Variants in BRINP3 observed in about 807,000 individuals in gnomAD.
BRINP3 encodes the protein BMP/retinoic acid-inducible neural-specific protein 3.
A neutral mutation model predicts 71.0 loss-of-function variants in BRINP3; 19 were observed. The observed-to-expected ratio is 0.27, with a 90% CI of 0.19 to 0.39. The LOEUF is 0.39. Among genes scored for constraint, BRINP3 ranks in the 10% least tolerant of loss-of-function variants. BRINP3 has a pLI of 1.00. For synonymous variants in BRINP3, 380 were observed against 337.7 expected (o/e 1.13, Z -1.37); for missense variants, 959 against 940.8 (o/e 1.02, Z -0.25).
intron 7 of BRINP3, among the ~76,000 whole-genome samples, chr1:190,115,211 G>A (rs2102296744): frequency 6.6e-6 from 1 of 152,112 alleles, no homozygotes; most frequent in South Asian, 2.1e-4. Context: ...ATAGTTAGTA[G>A]GTACAAATAA....
chr1:190,189,261 A>C (rs2102565668), intron 6 of BRINP3, among the ~76,000 whole-genome samples: 1 of 152,172 alleles, frequency 6.6e-6, no homozygotes, highest in Non-Finnish European at 1.5e-5. Context: ...TAACAGTGAA[A>C]CCATCAGGTT....
Position 190,098,159 on chromosome 1 carries a change from A to C in BRINP3, c.2160T>G (p.Arg720=). The C allele has an allele frequency of 6.2e-7, 1 of 1,614,164 alleles. No homozygotes were observed. The highest frequency in any genetic ancestry group is 1.1e-5 in the South Asian group (1 of 91,084). Residue 720 remains arginine, a synonymous_variant, in exon 8 of 8, where the codon CGT becomes CGG. Coordinates refer to ENST00000367462, the MANE Select transcript of BRINP3 (RefSeq NM_199051.3). ...GAAGCAAGCAAGAGAAAAGATCTAG[A>C]CGACGCTGACCAGGTGGGGAGAGTT... ...VNKLSPPGQR[R]LDLFSCLLRH... is the part of the protein sequence containing the mutation.
chr1:190,115,010 T>C (rs541495700), intron 7 of BRINP3, among the ~76,000 whole-genome samples: 119 of 152,314 alleles, frequency 7.8e-4, no homozygotes, highest in African/African-American at 2.6e-3. Context: ...CATCCTTCCC[T>C]ACTTTATTTT....
chr1:190,281,603 G>C lies in BRINP3; in HGVS notation c.384C>G (p.Ile128Met). 2 of 1,612,738 alleles carry C rather than the reference G, an allele frequency of 1.2e-6. No individual in the cohort carries two copies. The highest frequency in any genetic ancestry group is 1.7e-6 in the Non-Finnish European group (2 of 1,179,178). ...GCAAGAAATGTGTCCCATATTTCTT[G>C]ATAAGGTTTTCTGTGATTTGCTGAA... ...PTLQQITENLIKKYGTHFLLS... is the reference protein window; with the variant it reads ...PTLQQITENLMKKYGTHFLLS... Residue 128 changes from isoleucine (I) to methionine (M), a missense_variant, in exon 3 of 8, where the codon ATC becomes ATG. Ile to Met is a conservative substitution (Grantham distance 10). Coordinates refer to ENST00000367462, the MANE Select transcript of BRINP3 (RefSeq NM_199051.3).
intron 2 of BRINP3, among the ~76,000 whole-genome samples, chr1:190,370,715 G>C (rs1206328584): frequency 6.6e-6 from 1 of 152,212 alleles, no homozygotes; most frequent in African/African-American, 2.4e-5. Context: ...CACAGAACTA[G>C]AACCTGCCAC....
rs538954180 is a variant in BRINP3, at chr1:190,140,997, T to C, written c.1184+19671A>G. Among the ~76,000 whole-genome samples, 31 of 152,280 alleles carry C rather than the reference T, an allele frequency of 2.0e-4. No individual in the cohort carries two copies. In the South Asian group the frequency reaches 6.2e-3, roughly 31 times the overall value. ...CTTTGATGCTAATTCAAATAGGAAC[T>C]TGACCAGTTGTACCTCCTCTTAGCA... On this transcript the variant is annotated intron_variant, in intron 7 of 7. Coordinates refer to ENST00000367462, the MANE Select transcript of BRINP3 (RefSeq NM_199051.3).
chr1:190,250,119 G>T (rs746797744), intron 4 of BRINP3, among the ~76,000 whole-genome samples: 1 of 151,832 alleles, frequency 6.6e-6, no homozygotes, highest in Non-Finnish European at 1.5e-5. Flanking sequence ...AATCCACCTA[G>T]AGGGAAAAGC....
At chr1:190,255,236 CTT>C (rs201421106) in intron 4 of BRINP3, among the ~76,000 whole-genome samples, 27 of 134,508 alleles carry the variant, frequency 2.0e-4, no homozygotes, top group East Asian at 2.2e-4. Context: ...AAAATTCTCT[CTT>C]TTTTTTTTTT....
chr1:190,471,346 T>A (rs1213505064), intron 1 of BRINP3, among the ~76,000 whole-genome samples: 2 of 151,310 alleles, frequency 1.3e-5, no homozygotes, highest in Non-Finnish European at 3.0e-5. Flanking sequence ...ATAAATATTA[T>A]TAAACTATCC....
intron 2 of BRINP3, among the ~76,000 whole-genome samples, chr1:190,444,038 G>A (rs2102573527): frequency 6.6e-6 from 1 of 152,150 alleles, no homozygotes; most frequent in South Asian, 2.1e-4. Flanking sequence ...TTCGAGACCA[G>A]CCTGACCAAA....
chr1:190,353,743 C>T (rs1276136902), intron 2 of BRINP3, among the ~76,000 whole-genome samples: 1 of 151,978 alleles, frequency 6.6e-6, no homozygotes, highest in African/African-American at 2.4e-5. Flanking sequence ...ACTCCTCCAT[C>T]ATGCCTACGT....
intron 2 of BRINP3, among the ~76,000 whole-genome samples, chr1:190,330,634 A>T (rs1402919466): frequency 6.6e-6 from 1 of 152,058 alleles, no homozygotes; most frequent in Non-Finnish European, 1.5e-5. Flanking sequence ...TACTGGGTAT[A>T]TATCCAAAAG....
At chr1:190,103,584 T>C (rs1651884972) in intron 7 of BRINP3, among the ~76,000 whole-genome samples, 1 of 152,016 alleles carries the variant, frequency 6.6e-6, no homozygotes, top group African/African-American at 2.4e-5. Flanking sequence ...GCAAGGTCCA[T>C]TATGTATGTA....
intron 2 of BRINP3, among the ~76,000 whole-genome samples, chr1:190,427,462 T>A (rs1216942723): frequency 6.6e-6 from 1 of 152,044 alleles, no homozygotes; most frequent in Non-Finnish European, 1.5e-5. Flanking sequence ...GTGATACTTA[T>A]AAAATAGTTG....
chr1:190,267,293 A>G (rs1661740505), intron 3 of BRINP3, among the ~76,000 whole-genome samples: 1 of 152,174 alleles, frequency 6.6e-6, no homozygotes, highest in African/African-American at 2.4e-5. Context: ...GTAAGAATAT[A>G]GTATGACTCA....
intron 6 of BRINP3, among the ~76,000 whole-genome samples, chr1:190,180,188 G>A (rs1293852602): frequency 1.3e-5 from 2 of 152,044 alleles, no homozygotes; most frequent in Admixed American, 1.3e-4. Flanking sequence ...AGGATCTAAT[G>A]GGCCTAAATC....
At chr1:190,310,254 T>C (rs776468361) in intron 2 of BRINP3, among the ~76,000 whole-genome samples, 1 of 151,820 alleles carries the variant, frequency 6.6e-6, no homozygotes, top group African/African-American at 2.4e-5. Context: ...AAAAATGTTC[T>C]GCACTTTCTT....
rs375808228 is a variant in BRINP3 at position 190,353,118 on chromosome 1, C to T, written c.237-71368G>A. Among the ~76,000 whole-genome samples the T allele has an allele frequency of 9.2e-5, 14 of 151,356 alleles. No homozygotes were observed. The South Asian group carries it at 2.5e-3, about 27-fold the overall frequency. On this transcript the variant is annotated intron_variant, in intron 2 of 7. Transcript: ENST00000367462. ...ATATATGCAGGCTCTCACCAGAGAA[C>T]ATGTTGTGTTTTAAATCTATTTCAT...
At chr1:190,462,248 G>A (rs1028823598) in intron 1 of BRINP3, among the ~76,000 whole-genome samples, 43 of 152,070 alleles carry the variant, frequency 2.8e-4, no homozygotes, top group African/African-American at 1.0e-3. Context: ...AAATGTTAAG[G>A]ACAAAAATAG....
Sources: gnomAD v4.1 joint callset for allele counts (sites outside exome capture counted in the v4.1 genomes callset) on GRCh38, gnomAD v4.1.1 for gene constraint, MANE v1.5 for transcripts, NCBI Gene and HGNC (gene_info 2026-07-23, HGNC 2026-07-21) for gene names.